Variants in NCMAP observed in about 807,000 individuals in gnomAD.
The protein encoded by NCMAP is non-compact myelin associated protein, also known as noncompact myelin-associated protein.
Under a neutral mutation model 7.8 loss-of-function variants are expected in NCMAP, and 8 were observed. The observed-to-expected ratio is 1.02, with a 90% CI of 0.60 to 1.84. NCMAP has a LOEUF of 1.84. Among genes scored for constraint, NCMAP ranks in the 40% most tolerant of loss-of-function variants. The probability of loss-of-function intolerance (pLI) is 0.00; values close to 1 mark genes in which losing one functional copy is unlikely to be tolerated. For synonymous variants in NCMAP, 41 were observed against 52.9 expected, an observed-to-expected ratio of 0.78 and a Z score of 0.98; for missense variants, 112 against 131.4, an observed-to-expected ratio of 0.85 and a Z score of 0.72.
At chr1:24,604,181 A>T (rs367859734) in intron 3 of NCMAP, among the ~76,000 whole-genome samples, 2 of 150,592 alleles carry the variant, frequency 1.3e-5, no homozygotes, top group African/African-American at 5.0e-5. Context: ...TAAGTTTCCA[A>T]TGCAGGCTTT....
intron 3 of NCMAP, among the ~76,000 whole-genome samples, chr1:24,603,129 T>C (rs1652565934): frequency 6.6e-6 from 1 of 152,092 alleles, no homozygotes; most frequent in Non-Finnish European, 1.5e-5. Context: ...ATGCCAGGCA[T>C]GGTTCTAAGC....
chr1:24,563,471 G>A (rs1018119517), intron 1 of NCMAP, among the ~76,000 whole-genome samples: 36 of 148,810 alleles, frequency 2.4e-4, no homozygotes, highest in African/African-American at 8.9e-4. Context: ...GCGGTGAGCC[G>A]AGATCACGCC....
chr1:24,570,179 C>T (rs1251483714), intron 1 of NCMAP, among the ~76,000 whole-genome samples: 1 of 149,530 alleles, frequency 6.7e-6, no homozygotes, highest in East Asian at 1.9e-4. Context: ...CTCCTGAGCT[C>T]AAGCAGTCTG....
chr1:24,566,522 CAG>C (rs1384375065), intron 1 of NCMAP, among the ~76,000 whole-genome samples: 2 of 152,144 alleles, frequency 1.3e-5, no homozygotes, highest in Non-Finnish European at 2.9e-5. Flanking sequence ...GAAGAGGAGA[CAG>C]GGGCTGGTGG....
chr1:24,600,685 G>C (rs1652454201), intron 2 of NCMAP, among the ~76,000 whole-genome samples: 1 of 152,254 alleles, frequency 6.6e-6, no homozygotes. Flanking sequence ...GAGCTGATAA[G>C]AACCAGGACT....
At chr1:24,595,593 G>T in intron 2 of NCMAP, 81 bp downstream of exon 2, 3 of 1,132,698 alleles carry the variant, frequency 2.6e-6, no homozygotes, top group Non-Finnish European at 3.9e-6. Flanking sequence ...TAAGAGTGTG[G>T]GCTCTGGAGG....
At chr1:24,572,282 T>G (rs868570752) in intron 1 of NCMAP, among the ~76,000 whole-genome samples, 10 of 150,740 alleles carry the variant, frequency 6.6e-5, no homozygotes, top group Admixed American at 1.3e-4. Flanking sequence ...GGGATATGAC[T>G]TGGAGGTAGA....
intron 1 of NCMAP, among the ~76,000 whole-genome samples, chr1:24,558,960 T>C (rs978999342): frequency 2.0e-5 from 3 of 150,702 alleles, no homozygotes; most frequent in Non-Finnish European, 4.4e-5. Flanking sequence ...ACTCTTTTAA[T>C]TTCTTAAAAA....
chr1:24,596,884 A>T (rs551598009), intron 2 of NCMAP, among the ~76,000 whole-genome samples: 2 of 152,334 alleles, frequency 1.3e-5, no homozygotes, highest in African/African-American at 4.8e-5. Flanking sequence ...TGATGGTATA[A>T]GGAGACGCTT....
chr1:24,558,343 G>C (rs1650964380), intron 1 of NCMAP, among the ~76,000 whole-genome samples: 1 of 152,178 alleles, frequency 6.6e-6, no homozygotes, highest in African/African-American at 2.4e-5. Context: ...TCACAGGAGG[G>C]GCTCAAGGAA....
rs1204551830 is a variant in NCMAP, at chr1:24,597,613, GAAAGAGAAAGAAAGAAAGAAAGAAAGAA to G, written c.82+2103_82+2130del. ...AAGAAAGAAGAAAGAAAGAAAGAAA[GAAAGAGAAAGAAAGAAAGAAAGAAAGAA>G]AGAAAGAAAGAAAGAAAGAAAGAAA... On this transcript the variant is annotated intron_variant, in intron 2 of 3. Transcript: ENST00000374392. Among the ~76,000 whole-genome samples, 91 of 81,210 alleles carry G rather than the reference GAAAGAGAAAGAAAGAAAGAAAGAAAGAA, an allele frequency of 1.1e-3. 1 individual carries two copies. The highest frequency in any genetic ancestry group is 5.4e-3 in the African/African-American group (84 of 15,620). 53.3% of individuals were successfully genotyped at this position (81,210 alleles called of 152,430 possible). A position where few individuals can be genotyped will look rare whatever the true frequency, so the allele number is the denominator to read the frequency against.
intron 1 of NCMAP, among the ~76,000 whole-genome samples, chr1:24,582,163 C>A (rs539101107): frequency 3.9e-4 from 59 of 152,264 alleles, no homozygotes; most frequent in African/African-American, 1.3e-3. Flanking sequence ...GTGCCGACCA[C>A]CCCCTGCACA....
intron 1 of NCMAP, among the ~76,000 whole-genome samples, chr1:24,567,450 C>T (rs1254599514): frequency 6.6e-6 from 1 of 152,164 alleles, no homozygotes; most frequent in Admixed American, 6.5e-5. Context: ...TATCAGCACC[C>T]ACTAGGGCCC....
chr1:24,592,934 C>T (rs1652092136), intron 1 of NCMAP, among the ~76,000 whole-genome samples: 1 of 151,536 alleles, frequency 6.6e-6, no homozygotes, highest in African/African-American at 2.4e-5. Context: ...AATCCCAGCA[C>T]TTTGGGAAGC....
chr1:24,559,816 G>T (rs1371825299), intron 1 of NCMAP, among the ~76,000 whole-genome samples: 5 of 152,228 alleles, frequency 3.3e-5, no homozygotes, highest in Admixed American at 3.3e-4. Flanking sequence ...ACCTCTCTGA[G>T]CCTCAGTTTC....
In NCMAP at chr1:24,605,831, C is replaced by A; in HGVS notation, c.*84C>A. 6.6e-7 allele frequency: 1 copy of A among 1,507,964 alleles called. No individual in the cohort carries two copies. The allele number at this position is 1,507,964 out of a possible 1,614,324, so 93.4% of individuals were successfully genotyped here. ...AGAGGCACACTCTCTGGCAGCTTCA[C>A]AATGAGCTTCTTCTGGTCAGGTCGA... On this transcript the variant is annotated 3_prime_UTR_variant, in exon 4 of 4. Transcript: ENST00000374392.
chr1:24,602,968 AG>A (rs1652561137), intron 3 of NCMAP, among the ~76,000 whole-genome samples: 1 of 152,090 alleles, frequency 6.6e-6, no homozygotes, highest in Non-Finnish European at 1.5e-5. Flanking sequence ...TGAACCCGGG[AG>A]GCGGAGGTTG....
chr1:24,580,059 A>G (rs1651699127), intron 1 of NCMAP, among the ~76,000 whole-genome samples: 1 of 152,066 alleles, frequency 6.6e-6, no homozygotes, highest in Non-Finnish European at 1.5e-5. Flanking sequence ...TGCATTCCCA[A>G]CAAAGCGCCA....
intron 2 of NCMAP, among the ~76,000 whole-genome samples, chr1:24,599,228 T>G (rs191895604): frequency 7.0e-6 from 1 of 143,446 alleles, no homozygotes; most frequent in Admixed American, 7.4e-5. Context: ...TGCAGTGAGC[T>G]GAGATCGTGC....
Sources: allele counts gnomAD v4.1 joint callset (sites outside exome capture counted in the v4.1 genomes callset), GRCh38; gene constraint gnomAD v4.1.1; transcripts MANE v1.5; gene names NCBI Gene and HGNC (gene_info 2026-07-23, HGNC 2026-07-21).